ROPN1L: variants seen among roughly 807,000 people sequenced by gnomAD.
ROPN1L encodes the protein ropporin-1-like protein.
ROPN1L carries 23 observed loss-of-function variants against 22.7 expected under a neutral mutation model. The observed-to-expected ratio is 1.01, with a 90% confidence interval of 0.73 to 1.43. The LOEUF (loss-of-function observed/expected upper bound fraction) is 1.43, where lower values mean the gene tolerates loss of function less well. Ranked by LOEUF, ROPN1L falls within the 40% of genes most tolerant of loss-of-function variation. The probability of loss-of-function intolerance (pLI) is 0.00; values close to 1 mark genes in which losing one functional copy is unlikely to be tolerated. For synonymous variants in ROPN1L, 116 were observed against 117.8 expected (o/e 0.98, Z 0.10); for missense variants, 271 against 291.5 (o/e 0.93, Z 0.51).
intron 3 of ROPN1L, among the ~76,000 whole-genome samples, chr5:10,457,614 C>T (rs373240838): frequency 5.3e-5 from 8 of 152,326 alleles, no homozygotes; most frequent in African/African-American, 1.7e-4. Context: ...AGGAGGACAG[C>T]GGGCTGTGTT....
At chr5:10,465,291 G>A (rs938648927), downstream of ROPN1L, among the ~76,000 whole-genome samples, 17 of 152,226 alleles carry the variant, frequency 1.1e-4, no homozygotes, top group African/African-American at 3.9e-4. Flanking sequence ...CGAGGCGGGT[G>A]GATTACGAGG....
chr5:10,458,788 G>A (rs1408888604), intron 3 of ROPN1L, among the ~76,000 whole-genome samples: 3 of 7,630 alleles, frequency 3.9e-4, no homozygotes, highest in Non-Finnish European at 1.0e-3. Context: ...CCATTCCCCC[G>A]TGTACACCAT....
At chr5:10,477,897 T>C in the ROPN1L span, 1 of 152,150 alleles carries the variant, frequency 6.6e-6, no homozygotes, top group Admixed American at 6.5e-5. Flanking sequence ...ACTACTGCAC[T>C]CCAGCCTTGG....
Position 10,448,386 on chromosome 5 carries a change from A to T in ROPN1L, c.255+3A>T. 6.2e-7 allele frequency: 1 copy of T among 1,614,008 alleles called. No individual in the cohort carries two copies. Among genetic ancestry groups the T allele is most frequent in the Middle Eastern group, 1.7e-4 (1 of 6,010 alleles). Reference sequence around the variant, plus strand: ...TCCTGAAAGTTTTGCACAAGCAGGTATGGGGGGGCGTAGTCTCTGGCCTCA... The same window carrying T: ...TCCTGAAAGTTTTGCACAAGCAGGTTTGGGGGGGCGTAGTCTCTGGCCTCA... On this transcript the variant is annotated splice_donor_region_variant and intron_variant, in intron 2 of 4. Coordinates refer to ENST00000274134, the MANE Select transcript of ROPN1L (RefSeq NM_031916.5).
chr5:10,481,696 G>C, the ROPN1L span, among the ~76,000 whole-genome samples: 1 of 152,198 alleles, frequency 6.6e-6, no homozygotes, highest in Non-Finnish European at 1.5e-5. Context: ...GGGTGACGTG[G>C]GGGGCCCAGG....
intron 3 of ROPN1L, among the ~76,000 whole-genome samples, chr5:10,454,878 G>A (rs747870515): frequency 4.1e-4 from 62 of 152,338 alleles, no homozygotes; most frequent in Admixed American, 3.0e-3. Context: ...GAGAAGCTGA[G>A]TCACAACAGG....
At chr5:10,451,643 C>T (rs931221567) in intron 3 of ROPN1L, among the ~76,000 whole-genome samples, 2 of 152,256 alleles carry the variant, frequency 1.3e-5, no homozygotes, top group African/African-American at 4.8e-5. Context: ...CAGATGGCCC[C>T]AGTGGGAAGC....
chr5:10,454,580 CAG>C lies in ROPN1L; in HGVS notation c.417+4470_417+4471del, dbSNP rs150583274. Reference sequence around the variant, plus strand: ...TCTTTCATCCCCATACTGACACTGACAGAGTCAGTCTGTCATGATCAAAACAA... The same window carrying C: ...TCTTTCATCCCCATACTGACACTGACAGTCAGTCTGTCATGATCAAAACAA... On this transcript the variant is annotated intron_variant, in intron 3 of 4. Transcript: ENST00000274134. Among the ~76,000 whole-genome samples the C allele has an allele frequency of 3.0e-3, 452 of 152,094 alleles. 3 individuals carry two copies. The highest frequency in any genetic ancestry group is 0.01 in the African/African-American group (435 of 41,470).
chr5:10,468,749 G>C (rs1454953170), downstream of ROPN1L, among the ~76,000 whole-genome samples: 1 of 152,228 alleles, frequency 6.6e-6, no homozygotes, highest in African/African-American at 2.4e-5. Context: ...TAACGGGATT[G>C]ATAGGGGCTC....
chr5:10,458,825 T>C (rs1374474052), intron 3 of ROPN1L, among the ~76,000 whole-genome samples: 1 of 14,098 alleles, frequency 7.1e-5, no homozygotes, highest in Admixed American at 6.5e-4. Flanking sequence ...ATCTCACCCA[T>C]GTACACCATC....
At chr5:10,450,532 G>T (rs1316897538) in intron 3 of ROPN1L, among the ~76,000 whole-genome samples, 1 of 151,878 alleles carries the variant, frequency 6.6e-6, no homozygotes, top group Non-Finnish European at 1.5e-5. Flanking sequence ...GAGTTTTGCT[G>T]TTGTTGCCCA....
chr5:10,460,800 G>T (rs963478748), intron 3 of ROPN1L, among the ~76,000 whole-genome samples: 5 of 152,244 alleles, frequency 3.3e-5, no homozygotes, highest in Non-Finnish European at 7.3e-5. Flanking sequence ...CTGGCTGGTG[G>T]CAGAGTTCAT....
Position 10,464,621 on chromosome 5 carries a change from A to G in ROPN1L, c.594-227A>G, listed in dbSNP as rs115151588. 6.0e-3 allele frequency among the ~76,000 whole-genome samples: 910 copies of G among 152,340 alleles called. 8 individuals are homozygous for G. The highest frequency in any genetic ancestry group is 0.02 in the African/African-American group (848 of 41,590). The stretch of plus-strand genomic sequence containing the variant: ...CATCAAAAAAGAAAAACCTATGCAT[A>G]TAGCACCCATCTTTTCACCTAGAAA... On this transcript the variant is annotated intron_variant, in intron 4 of 4. Transcript: ENST00000274134.
At chr5:10,462,837 C>T (rs1002527640) in intron 4 of ROPN1L, among the ~76,000 whole-genome samples, 2 of 152,006 alleles carry the variant, frequency 1.3e-5, no homozygotes. Flanking sequence ...TACAGTGACC[C>T]GAGATTGTGC....
downstream of ROPN1L, among the ~76,000 whole-genome samples, chr5:10,467,465 G>A (rs887421224): frequency 1.3e-5 from 2 of 152,192 alleles, no homozygotes; most frequent in Non-Finnish European, 2.9e-5. Context: ...CTTTCTCCAA[G>A]GGTGATTTCC....
chr5:10,458,596 C>T (rs1383345985), intron 3 of ROPN1L, among the ~76,000 whole-genome samples: 1 of 75,982 alleles, frequency 1.3e-5, no homozygotes, highest in African/African-American at 5.8e-5. Context: ...CCATCCCCCT[C>T]ATGTACACCG....
intron 4 of ROPN1L, among the ~76,000 whole-genome samples, chr5:10,471,525 G>T (rs1302816355): frequency 6.6e-6 from 1 of 152,206 alleles, no homozygotes; most frequent in African/African-American, 2.4e-5. Flanking sequence ...TTCGAAGAAG[G>T]TTTCAAGGAG....
At chr5:10,456,435 C>T (rs1379568166) in intron 3 of ROPN1L, among the ~76,000 whole-genome samples, 7 of 152,192 alleles carry the variant, frequency 4.6e-5, no homozygotes, top group Admixed American at 4.6e-4. Flanking sequence ...TTGCAGTCAG[C>T]CAAGATCGCA....
At chr5:10,471,314 CTT>C (rs879509332) in intron 4 of ROPN1L, among the ~76,000 whole-genome samples, 3 of 144,120 alleles carry the variant, frequency 2.1e-5, no homozygotes, top group African/African-American at 2.5e-5. Context: ...ATTTTTTGTA[CTT>C]TTTTTTTTTT....
Sources: gnomAD v4.1 joint callset for allele counts (sites outside exome capture counted in the v4.1 genomes callset) on GRCh38, gnomAD v4.1.1 for gene constraint, MANE v1.5 for transcripts, NCBI Gene and HGNC (gene_info 2026-07-23, HGNC 2026-07-21) for gene names.